BBS9: variants seen among roughly 807,000 people sequenced by gnomAD.
BBS9 encodes Bardet-Biedl syndrome 9.
In BBS9, 89 loss-of-function variants were observed where a neutral mutation model predicts 117.7. The observed-to-expected ratio is 0.76, with a 90% CI of 0.64 to 0.90. BBS9 has a LOEUF of 0.90. BBS9 is among the 40% of genes least tolerant of loss of function. The pLI is 0.00. For synonymous variants in BBS9, 379 were observed against 370.9 expected, an observed-to-expected ratio of 1.02 and a Z score of -0.25; for missense variants, 982 against 1,042.2, an observed-to-expected ratio of 0.94 and a Z score of 0.80.
intron 19 of BBS9, among the ~76,000 whole-genome samples, chr7:33,480,931 C>T (rs919987927): frequency 6.6e-6 from 1 of 152,118 alleles, no homozygotes; most frequent in Non-Finnish European, 1.5e-5. Flanking sequence ...CCCAGCCCCC[C>T]ACAGCCATGT....
At position 33,201,042 on chromosome 7, in the gene BBS9, T is replaced by C. The variant is rs556136883; in HGVS notation, c.442+23451T>C. On this transcript the variant is annotated intron_variant, in intron 5 of 22. Coordinates refer to ENST00000242067, the MANE Select transcript of BBS9 (RefSeq NM_198428.3). ...AGTTAGGGGATAACTGGCTGTTTTA[T>C]TGGGGACTCAAATAGCAGTAGTTGT... 1.6e-4 allele frequency among the ~76,000 whole-genome samples: 24 copies of C among 152,310 alleles called. No individual in the cohort carries two copies. In the South Asian group the frequency reaches 2.9e-3, roughly 18 times the overall value.
At chr7:33,590,466 T>TGTTTTTGTTTTTTTG (rs60557617) in intron 21 of BBS9, among the ~76,000 whole-genome samples, 7 of 139,512 alleles carry the variant, frequency 5.0e-5, no homozygotes, top group East Asian at 4.4e-4. Flanking sequence ...TTTGTTTTTT[T>TGTTTTTGTTTTTTTG]TTTTTTTTTT....
intron 4 of BBS9, among the ~76,000 whole-genome samples, chr7:33,172,096 C>G (rs936459425): frequency 6.6e-6 from 1 of 151,994 alleles, no homozygotes; most frequent in Non-Finnish European, 1.5e-5. Context: ...GAACATGCCT[C>G]TAGGCCGGGT....
intron 4 of BBS9, among the ~76,000 whole-genome samples, chr7:33,159,270 T>G (rs1474387281): frequency 6.6e-6 from 1 of 152,142 alleles, no homozygotes; most frequent in Admixed American, 6.6e-5. Flanking sequence ...CCATTGTAAA[T>G]GTGCTTATTT....
intron 19 of BBS9, among the ~76,000 whole-genome samples, chr7:33,431,167 A>C (rs371215862): frequency 6.6e-6 from 1 of 151,648 alleles, no homozygotes; most frequent in African/African-American, 2.4e-5. Flanking sequence ...TGCACATTCC[A>C]ACCAGCCTGG....
chr7:33,532,802 A>G (rs1850786940), intron 20 of BBS9, among the ~76,000 whole-genome samples: 1 of 152,116 alleles, frequency 6.6e-6, no homozygotes, highest in Non-Finnish European at 1.5e-5. Flanking sequence ...TTCCAGATGA[A>G]CCTTCTCTCT....
At chr7:33,461,060 A>G (rs1839398819) in intron 19 of BBS9, among the ~76,000 whole-genome samples, 1 of 152,082 alleles carries the variant, frequency 6.6e-6, no homozygotes, top group South Asian at 2.1e-4. Context: ...AGCATGTAGC[A>G]GTACTTTATT....
rs149498994 is a variant in BBS9 at position 33,150,977 on chromosome 7, C to T, written c.113-1724C>T. On this transcript the variant is annotated intron_variant, in intron 2 of 22. Coordinates refer to ENST00000242067, the MANE Select transcript of BBS9 (RefSeq NM_198428.3). Reference sequence around the variant, plus strand: ...CACAAGGAATCTTACTGTTTTGTACCGCATTTCAGGTCAAGAACCAATTCC... The same window carrying T: ...CACAAGGAATCTTACTGTTTTGTACTGCATTTCAGGTCAAGAACCAATTCC... Among the ~76,000 whole-genome samples, 14 of 152,198 alleles carry T rather than the reference C, an allele frequency of 9.2e-5. No individual in the cohort carries two copies. In the East Asian group the frequency reaches 9.7e-4, roughly 10 times the overall value.
At chr7:33,542,717 G>A (rs1341101102) in intron 21 of BBS9, among the ~76,000 whole-genome samples, 5 of 145,864 alleles carry the variant, frequency 3.4e-5, no homozygotes, top group South Asian at 2.1e-4. Flanking sequence ...GTGTGTGTGT[G>A]TGTGTGTGTG....
intron 5 of BBS9, among the ~76,000 whole-genome samples, chr7:33,207,718 A>C (rs1787205439): frequency 6.6e-6 from 1 of 152,168 alleles, no homozygotes; most frequent in African/African-American, 2.4e-5. Context: ...GTGCTAGAAA[A>C]TATGTGCATG....
At chr7:33,178,009 T>C (rs1797578812) in intron 5 of BBS9, among the ~76,000 whole-genome samples, 1 of 152,222 alleles carries the variant, frequency 6.6e-6, no homozygotes, top group Admixed American at 6.5e-5. Context: ...GTGATGGAAC[T>C]GTGGTACCTG....
At chr7:33,444,056 C>G (rs967891014) in intron 19 of BBS9, among the ~76,000 whole-genome samples, 4 of 152,208 alleles carry the variant, frequency 2.6e-5, no homozygotes, top group Non-Finnish European at 1.5e-5. Context: ...TGAGGCAACC[C>G]TAGCCAGAAT....
intron 6 of BBS9, among the ~76,000 whole-genome samples, chr7:33,262,737 CTT>C (rs937974967): frequency 9.2e-5 from 14 of 152,278 alleles, no homozygotes; most frequent in African/African-American, 3.4e-4. Context: ...TTTCATGTCT[CTT>C]TTACTGCTGC....
chr7:33,568,888 GT>G (rs1366085547), intron 21 of BBS9, among the ~76,000 whole-genome samples: 4 of 152,194 alleles, frequency 2.6e-5, no homozygotes. Flanking sequence ...CCTATAGGAA[GT>G]GAATGGCAAA....
chr7:33,624,120 G>A (rs1865534855), intron 21 of BBS9, among the ~76,000 whole-genome samples: 2 of 152,126 alleles, frequency 1.3e-5, no homozygotes, highest in African/African-American at 4.8e-5. Context: ...TGAGAGAGAT[G>A]TGCCCAATTT....
chr7:33,296,038 A>G (rs1805200771), intron 9 of BBS9, among the ~76,000 whole-genome samples: 2 of 152,126 alleles, frequency 1.3e-5, no homozygotes, highest in Middle Eastern at 3.2e-3. Flanking sequence ...CCTATTAATC[A>G]CAGAATTAAA....
At chr7:33,187,888 C>T (rs1477779537) in intron 5 of BBS9, among the ~76,000 whole-genome samples, 2 of 151,984 alleles carry the variant, frequency 1.3e-5, no homozygotes, top group Non-Finnish European at 2.9e-5. Context: ...CATCATTGCA[C>T]TCCAGCCTGG....
At chr7:33,416,925 T>C (rs1212046488) in intron 19 of BBS9, among the ~76,000 whole-genome samples, 1 of 152,156 alleles carries the variant, frequency 6.6e-6, no homozygotes, top group Non-Finnish European at 1.5e-5. Flanking sequence ...GGTTTCTTTC[T>C]ATGAAAATCT....
intron 13 of BBS9, among the ~76,000 whole-genome samples, chr7:33,349,724 C>G (rs931179432): frequency 6.6e-6 from 1 of 152,160 alleles, no homozygotes; most frequent in African/African-American, 2.4e-5. Context: ...AGCCACCACT[C>G]CTGGCCTGTT....
Sources: gnomAD v4.1 joint callset for allele counts (sites outside exome capture counted in the v4.1 genomes callset) on GRCh38, gnomAD v4.1.1 for gene constraint, MANE v1.5 for transcripts, NCBI Gene and HGNC (gene_info 2026-07-23, HGNC 2026-07-21) for gene names.